The following TRPM3 variants were observed in gnomAD, a reference collection of about 807,000 sequenced individuals.
TRPM3 encodes the protein long transient receptor potential channel 3.
TRPM3 carries 77 observed loss-of-function variants against 181.2 expected under a neutral mutation model. The ratio of observed to expected loss-of-function variants is 0.42; its 90% CI spans 0.35 to 0.51. TRPM3 has a LOEUF of 0.51. TRPM3 is among the 20% of genes least tolerant of loss of function. The pLI is 0.01. For synonymous variants in TRPM3, 745 were observed against 796.4 expected (o/e 0.94, Z 1.09); for missense variants, 1,759 against 2,196.7 (o/e 0.80, Z 3.98).
intron 1 of TRPM3, among the ~76,000 whole-genome samples, chr9:71,170,543 A>G (rs1371018942): frequency 6.6e-6 from 1 of 152,226 alleles, no homozygotes; most frequent in Non-Finnish European, 1.5e-5. Flanking sequence ...CCATGGCAGA[A>G]GAAGATTGTG....
chr9:71,205,028 A>T (rs914095560), intron 1 of TRPM3, among the ~76,000 whole-genome samples: 5 of 152,058 alleles, frequency 3.3e-5, no homozygotes, highest in Non-Finnish European at 5.9e-5. Context: ...ACACATGGAC[A>T]CAGGAAGGGG....
chr9:70,626,907 CA>C (rs753426501), intron 12 of TRPM3, among the ~76,000 whole-genome samples: 39 of 152,260 alleles, frequency 2.6e-4, no homozygotes, highest in Non-Finnish European at 4.1e-4. Flanking sequence ...TATAGCTTTA[CA>C]TGTTTCTTGT....
intron 1 of TRPM3, among the ~76,000 whole-genome samples, chr9:71,003,543 C>A (rs1471887188): frequency 2.0e-5 from 3 of 152,056 alleles, no homozygotes; most frequent in Admixed American, 2.0e-4. Flanking sequence ...AACCACTGTG[C>A]TTTCCCATCA....
At chr9:71,218,228 G>A (rs1190676989) in intron 1 of TRPM3, among the ~76,000 whole-genome samples, 3 of 152,156 alleles carry the variant, frequency 2.0e-5, no homozygotes, top group African/African-American at 7.2e-5. Flanking sequence ...CATACAGTTT[G>A]TCTGTTTATT....
intron 1 of TRPM3, among the ~76,000 whole-genome samples, chr9:71,069,551 C>T (rs892343116): frequency 2.6e-5 from 4 of 151,290 alleles, no homozygotes; most frequent in African/African-American, 9.7e-5. Context: ...GGTGGCATGA[C>T]GGGGATAGAT....
intron 1 of TRPM3, among the ~76,000 whole-genome samples, chr9:71,374,597 G>A (rs1423399902): frequency 6.6e-6 from 1 of 152,056 alleles, no homozygotes; most frequent in Non-Finnish European, 1.5e-5. Context: ...TTCTGGCCAG[G>A]GCAATCAGGC....
intron 10 of TRPM3, among the ~76,000 whole-genome samples, chr9:70,640,269 T>G (rs187956719): frequency 2.2e-3 from 338 of 152,342 alleles, no homozygotes; most frequent in African/African-American, 7.9e-3. Context: ...TTGTCTTATA[T>G]TTTTTCAGAT....
At chr9:70,603,300 C>T (rs1410262584) in intron 20 of TRPM3, 42 bp downstream of exon 20, 8 of 1,598,742 alleles carry the variant, frequency 5.0e-6, no homozygotes, top group South Asian at 1.1e-5. Flanking sequence ...TAGAACTTAA[C>T]CACTGTCTTT....
Position 70,923,273 on chromosome 9 carries a change from T to A in TRPM3, c.178-58762A>T, listed in dbSNP as rs932889347. 3.3e-5 allele frequency among the ~76,000 whole-genome samples: 5 copies of A among 152,170 alleles called. No individual in the cohort carries two copies. The South Asian group carries it at 8.3e-4, about 25-fold the overall frequency. On this transcript the variant is annotated intron_variant, in intron 1 of 25. Transcript: ENST00000677713. ...TTTTAATACATGTTCATGTTCACGT[T>A]TTATACTTTTTAATACCTGTTCACA...
intron 1 of TRPM3, among the ~76,000 whole-genome samples, chr9:71,015,908 A>T (rs1479991492): frequency 2.0e-5 from 3 of 151,970 alleles, no homozygotes; most frequent in African/African-American, 7.2e-5. Context: ...AGGTAAAAAA[A>T]ATTCTAGGCC....
chr9:71,326,526 T>A (rs2089696519), intron 1 of TRPM3, among the ~76,000 whole-genome samples: 1 of 152,254 alleles, frequency 6.6e-6, no homozygotes, highest in South Asian at 2.1e-4. Flanking sequence ...GAGTGTGCTG[T>A]TAAGTGATGG....
chr9:70,965,363 C>G (rs976584717), intron 1 of TRPM3, among the ~76,000 whole-genome samples: 4 of 151,852 alleles, frequency 2.6e-5, no homozygotes, highest in African/African-American at 7.3e-5. Flanking sequence ...TGCATTTTAT[C>G]CCCCCCTTTT....
rs145129454 is a variant in TRPM3, at chr9:71,142,035, G to T, written c.184-277524C>A. Among the ~76,000 whole-genome samples the T allele has an allele frequency of 9.7e-4, 148 of 152,272 alleles. 5 individuals are homozygous for T. The East Asian group carries it at 0.026, about 27-fold the overall frequency. ...TCCATAAGTAAGTAGAAAGAGTTTT[G>T]TCAAAACTGGAGTGTTTCTATCTTA... is the stretch of plus-strand genomic sequence containing the variant. On this transcript the variant is annotated intron_variant, in intron 1 of 24. Transcript: ENST00000357533.
intron 10 of TRPM3, among the ~76,000 whole-genome samples, chr9:70,640,203 A>T (rs1182424649): frequency 2.0e-5 from 3 of 152,184 alleles, no homozygotes; most frequent in Non-Finnish European, 2.9e-5. Context: ...CCCATCAAAG[A>T]CAATCAGAAG....
chr9:71,446,916 C>T (rs2094211283), upstream of TRPM3: 2 of 1,361,918 alleles, frequency 1.5e-6, no homozygotes, highest in Admixed American at 5.7e-5. Flanking sequence ...CTCCCTCCAG[C>T]CTGCGCGCGG....
intron 1 of TRPM3, among the ~76,000 whole-genome samples, chr9:71,109,891 T>G (rs748781974): frequency 3.9e-5 from 6 of 152,192 alleles, no homozygotes; most frequent in Non-Finnish European, 7.3e-5. Context: ...GAAGCTCATT[T>G]CATTTGATGT....
chr9:71,038,049 A>T (rs573250), intron 1 of TRPM3, among the ~76,000 whole-genome samples: 138,509 of 152,332 alleles, frequency 0.91, 63,062 homozygotes, highest in East Asian at 1. Context: ...ATTTTAATGA[A>T]CCTACTGAAT....
chr9:70,795,904 G>A (rs772748141), intron 6 of TRPM3, among the ~76,000 whole-genome samples: 1 of 152,200 alleles, frequency 6.6e-6, no homozygotes, highest in Non-Finnish European at 1.5e-5. Context: ...AAAAAGGATG[G>A]CCAATCCCTT....
intron 22 of TRPM3, among the ~76,000 whole-genome samples, chr9:70,554,147 AG>A (rs1424382089): frequency 6.6e-6 from 1 of 152,156 alleles, no homozygotes; most frequent in Non-Finnish European, 1.5e-5. Context: ...TGTGCTAATG[AG>A]GCCTGCTTGG....
Sources: gnomAD v4.1 joint callset for allele counts (sites outside exome capture counted in the v4.1 genomes callset) on GRCh38, gnomAD v4.1.1 for gene constraint, MANE v1.5 for transcripts, NCBI Gene and HGNC (gene_info 2026-07-23, HGNC 2026-07-21) for gene names.